SERGEF: variants seen among roughly 807,000 people sequenced by gnomAD.
SERGEF encodes secretion-regulating guanine nucleotide exchange factor.
Under a neutral mutation model 50.0 loss-of-function variants are expected in SERGEF, and 51 were observed. The ratio of observed to expected loss-of-function variants is 1.02; its 90% CI spans 0.81 to 1.29. SERGEF has a LOEUF of 1.29. Ranked by LOEUF, SERGEF falls within the 50% of genes most tolerant of loss-of-function variation. The probability of loss-of-function intolerance (pLI) is 0.00; values close to 1 mark genes in which losing one functional copy is unlikely to be tolerated. For missense variants in SERGEF, 521 were observed against 557.0 expected (o/e 0.94, Z 0.65); for synonymous variants, 205 against 212.4 (o/e 0.97, Z 0.30).
At chr11:18,003,491 C>T (rs1462193433) in intron 4 of SERGEF, among the ~76,000 whole-genome samples, 2 of 152,136 alleles carry the variant, frequency 1.3e-5, no homozygotes, top group African/African-American at 4.8e-5. Flanking sequence ...AAAATGCATA[C>T]CAGAGTTCAA....
chr11:17,812,955 C>G (rs1488704370), intron 10 of SERGEF, among the ~76,000 whole-genome samples: 1 of 152,194 alleles, frequency 6.6e-6, no homozygotes, highest in Non-Finnish European at 1.5e-5. Flanking sequence ...GTCACCTCCT[C>G]TCCGACATCA....
intron 8 of SERGEF, among the ~76,000 whole-genome samples, chr11:17,971,163 C>T (rs1590225523): frequency 6.6e-6 from 1 of 151,900 alleles, no homozygotes; most frequent in African/African-American, 2.4e-5. Flanking sequence ...CACTGCACTC[C>T]AGGCTGGGCG....
intron 8 of SERGEF, among the ~76,000 whole-genome samples, chr11:17,970,364 C>T (rs955195312): frequency 3.3e-5 from 5 of 151,978 alleles, no homozygotes; most frequent in African/African-American, 1.2e-4. Flanking sequence ...CAAACTTAAT[C>T]GATTGTGTTC....
chr11:18,010,196 C>T lies in SERGEF; in HGVS notation c.61-2120G>A, dbSNP rs1205634258. On this transcript the variant is annotated intron_variant, in intron 1 of 10. Coordinates refer to ENST00000265965, the MANE Select transcript of SERGEF (RefSeq NM_012139.4). The stretch of plus-strand genomic sequence containing the variant: ...CAACAAATACATATATACATACTTA[C>T]ATACATACATACATAATCCTTCCCC... The T allele has an allele frequency of 8.0e-6, 5 of 623,574 alleles. No homozygotes were observed. The East Asian group carries it at 3.4e-4, about 42-fold the overall frequency. 38.6% of individuals were successfully genotyped at this position (623,574 alleles called of 1,614,324 possible). A position where few individuals can be genotyped will look rare whatever the true frequency, so the allele number is the denominator to read the frequency against.
At chr11:17,993,854 C>T (rs1164953644) in intron 6 of SERGEF, among the ~76,000 whole-genome samples, 8 of 151,964 alleles carry the variant, frequency 5.3e-5, no homozygotes, top group Non-Finnish European at 1.2e-4. Flanking sequence ...GAGGTGAGAA[C>T]GGGAGGACGA....
intron 9 of SERGEF, among the ~76,000 whole-genome samples, chr11:17,895,570 C>T (rs1440696857): frequency 1.3e-5 from 2 of 152,184 alleles, no homozygotes; most frequent in East Asian, 1.9e-4. Flanking sequence ...GATCTACTGA[C>T]ATGACTGCAA....
At chr11:17,799,818 G>T (rs1849633538) in intron 10 of SERGEF, among the ~76,000 whole-genome samples, 1 of 152,176 alleles carries the variant, frequency 6.6e-6, no homozygotes, top group African/African-American at 2.4e-5. Context: ...CTTAGTATCT[G>T]GTCCGTGTCT....
intron 9 of SERGEF, among the ~76,000 whole-genome samples, chr11:17,933,289 G>A (rs929342549): frequency 6.6e-6 from 1 of 152,116 alleles, no homozygotes; most frequent in Non-Finnish European, 1.5e-5. Flanking sequence ...GGCTTGGAGG[G>A]TTGTAAATTT....
intron 8 of SERGEF, among the ~76,000 whole-genome samples, chr11:17,987,497 GAA>G (rs961740240): frequency 5.9e-5 from 9 of 152,192 alleles, no homozygotes; most frequent in African/African-American, 2.2e-4. Context: ...TCTCTTTGAG[GAA>G]AGTGACGACC....
At chr11:17,896,186 A>G (rs894736184) in intron 9 of SERGEF, among the ~76,000 whole-genome samples, 1 of 152,230 alleles carries the variant, frequency 6.6e-6, no homozygotes, top group African/African-American at 2.4e-5. Context: ...AAAATGAACC[A>G]CATTCAGAAG....
intron 5 of SERGEF, chr11:17,999,645 G>T (rs982712531): frequency 4.5e-6 from 2 of 442,728 alleles, no homozygotes; most frequent in Admixed American, 4.9e-5. Context: ...TCTCCCACAC[G>T]CCACCTCCCT....
intron 1 of SERGEF, among the ~76,000 whole-genome samples, chr11:18,011,068 T>C (rs1417564222): frequency 6.6e-6 from 1 of 151,932 alleles, no homozygotes; most frequent in Non-Finnish European, 1.5e-5. Flanking sequence ...TAACACAACC[T>C]ATTACAACTG....
At chr11:17,912,789 C>T (rs1006848605) in intron 9 of SERGEF, among the ~76,000 whole-genome samples, 4 of 151,384 alleles carry the variant, frequency 2.6e-5, no homozygotes, top group Non-Finnish European at 5.9e-5. Context: ...CTAAGGCAGC[C>T]CTGACAAGTG....
intron 9 of SERGEF, among the ~76,000 whole-genome samples, chr11:17,927,335 G>A (rs1852270561): frequency 6.6e-6 from 1 of 152,182 alleles, no homozygotes; most frequent in African/African-American, 2.4e-5. Context: ...TTAAGATCCC[G>A]TGGTAAATGC....
Position 17,868,580 on chromosome 11 carries a change from C to T in SERGEF, c.1048+9628G>A, listed in dbSNP as rs561666029. Among the ~76,000 whole-genome samples, 146 of 152,284 alleles carry T rather than the reference C, an allele frequency of 9.6e-4. 2 individuals carry two copies. The highest frequency in any genetic ancestry group is 6.4e-3 in the South Asian group (31 of 4,820). ...TGTTACCCAGTTCCAAAGTCGCACC[C>T]ACATTTTCGGGTATCTTTTCAGCAG... On this transcript the variant is annotated intron_variant, in intron 10 of 10. Transcript: ENST00000265965.
chr11:17,998,448 T>C (rs199582029), intron 5 of SERGEF, among the ~76,000 whole-genome samples: 2,320 of 16,554 alleles, frequency 0.14, 21 homozygotes, highest in Non-Finnish European at 0.21. Flanking sequence ...TACATATATA[T>C]ATATATATAT....
chr11:17,980,417 G>A (rs1480162695), intron 8 of SERGEF, among the ~76,000 whole-genome samples: 2 of 152,166 alleles, frequency 1.3e-5, no homozygotes, highest in Non-Finnish European at 2.9e-5. Flanking sequence ...GGAATAGATG[G>A]CAAAGGAGCC....
chr11:17,885,614 G>A lies in SERGEF; in HGVS notation c.1012-7370C>T, dbSNP rs904413582. 4.0e-5 allele frequency among the ~76,000 whole-genome samples: 6 copies of A among 151,850 alleles called. No individual in the cohort carries two copies. In the South Asian group the frequency reaches 6.2e-4, roughly 16 times the overall value. Reference sequence around the variant, plus strand: ...TCTGGGATAACAGGCATGACCCACCGTACATGCATGGGCATGATCTGATTT... The same window carrying A: ...TCTGGGATAACAGGCATGACCCACCATACATGCATGGGCATGATCTGATTT... On this transcript the variant is annotated intron_variant, in intron 9 of 10. Transcript: ENST00000265965.
intron 10 of SERGEF, among the ~76,000 whole-genome samples, chr11:17,827,712 C>G (rs2878808): frequency 6.6e-6 from 1 of 152,090 alleles, no homozygotes; most frequent in Non-Finnish European, 1.5e-5. Context: ...CTCAGTATCA[C>G]GAACTTCCAG....
Sources: gnomAD v4.1 joint callset for allele counts (sites outside exome capture counted in the v4.1 genomes callset) on GRCh38, gnomAD v4.1.1 for gene constraint, MANE v1.5 for transcripts, NCBI Gene and HGNC (gene_info 2026-07-23, HGNC 2026-07-21) for gene names.